Variants in FANCC observed in about 807,000 individuals in gnomAD.
FANCC encodes the protein FA complementation group C, also known as Fanconi anemia group C protein.
Under a neutral mutation model 71.3 loss-of-function variants are expected in FANCC, and 55 were observed. The observed-to-expected ratio is 0.77, with a 90% CI of 0.62 to 0.97. The LOEUF (loss-of-function observed/expected upper bound fraction) is 0.97. Among genes scored for constraint, FANCC ranks in the 50% least tolerant of loss-of-function variants. FANCC has a pLI of 0.00. For missense variants in FANCC, 678 were observed against 670.9 expected (o/e 1.01, Z -0.12); for synonymous variants, 275 against 244.9 (o/e 1.12, Z -1.15).
At chr9:95,214,651 G>A (rs534996035) in intron 4 of FANCC, among the ~76,000 whole-genome samples, 1 of 152,280 alleles carries the variant, frequency 6.6e-6, no homozygotes, top group Admixed American at 6.5e-5. Context: ...GTCTCTTCAT[G>A]CAATGGAATT....
At chr9:95,110,947 G>A in intron 13 of FANCC, 3 of 1,374,506 alleles carry the variant, frequency 2.2e-6, no homozygotes, top group East Asian at 2.7e-5. Context: ...AAGCAAAGTG[G>A]TTAATATCAT....
chr9:95,215,366 G>A (rs575820815), intron 4 of FANCC, among the ~76,000 whole-genome samples: 1 of 152,246 alleles, frequency 6.6e-6, no homozygotes, highest in Admixed American at 6.5e-5. Context: ...GAGAGGAGGA[G>A]AGGGAGATGG....
chr9:95,225,627 A>T (rs1470287859), intron 4 of FANCC, among the ~76,000 whole-genome samples: 1 of 152,242 alleles, frequency 6.6e-6, no homozygotes, highest in East Asian at 1.9e-4. Flanking sequence ...TACCATAAAC[A>T]TCCTGTTCCT....
At chr9:95,166,282 T>G (rs1831064000) in intron 6 of FANCC, among the ~76,000 whole-genome samples, 1 of 152,064 alleles carries the variant, frequency 6.6e-6, no homozygotes, top group South Asian at 2.1e-4. Flanking sequence ...ATATACCTAG[T>G]AGTTATTCTG....
At chr9:95,220,653 G>A (rs961290647) in intron 4 of FANCC, among the ~76,000 whole-genome samples, 6 of 152,080 alleles carry the variant, frequency 3.9e-5, no homozygotes, top group Non-Finnish European at 7.4e-5. Flanking sequence ...TCACTCATAG[G>A]TGGGAATTGA....
rs1057524011 is a variant in FANCC, at chr9:95,249,314, T to C, written c.-23A>G. On this transcript the variant is annotated 5_prime_UTR_variant, in exon 2 of 15. Coordinates refer to ENST00000289081, the MANE Select transcript of FANCC (RefSeq NM_000136.3). ...CATCTTGGAAAAAGCGAAAAGGTGA[T>C]GTCCCTTCACAGCAGCCTGTCCAGC... The C allele has an allele frequency of 1.2e-6, 2 of 1,613,104 alleles. No homozygotes were observed. The highest frequency in any genetic ancestry group is 1.7e-6 in the Non-Finnish European group (2 of 1,179,476).
chr9:95,110,303 T>A (rs1291399861), intron 13 of FANCC: 27 of 1,014,536 alleles, frequency 2.7e-5, no homozygotes, highest in Non-Finnish European at 3.1e-5. Flanking sequence ...TGTGATGGAA[T>A]TGAACACATA....
intron 6 of FANCC, among the ~76,000 whole-genome samples, chr9:95,163,975 A>C (rs1397942018): frequency 6.6e-6 from 1 of 152,174 alleles, no homozygotes; most frequent in African/African-American, 2.4e-5. Context: ...CACTGTGCAA[A>C]TCTTTCACCT....
intron 4 of FANCC, among the ~76,000 whole-genome samples, chr9:95,228,229 G>A (rs926010608): frequency 3.3e-5 from 5 of 152,184 alleles, no homozygotes; most frequent in African/African-American, 4.8e-5. Flanking sequence ...AGGGGCATGC[G>A]GAGCATGACA....
At chr9:95,110,500 A>G in intron 13 of FANCC, 1 of 1,030,760 alleles carries the variant, frequency 9.7e-7, no homozygotes, top group Non-Finnish European at 1.2e-6. Flanking sequence ...CCTCAAATAC[A>G]TACGTGGGTT....
intron 14 of FANCC, 58 bp downstream of exon 14, chr9:95,107,008 C>T: frequency 1.3e-6 from 2 of 1,561,922 alleles, no homozygotes; most frequent in South Asian, 1.1e-5. Flanking sequence ...GACAGGTAAC[C>T]CACCTCTCGC....
chr9:95,125,024 A>G (rs1825758726), intron 10 of FANCC, 62 bp downstream of exon 10: 1 of 1,440,158 alleles, frequency 6.9e-7, no homozygotes, highest in East Asian at 2.3e-5. Flanking sequence ...CTCTTGTCCA[A>G]AATACTCTCA....
intron 6 of FANCC, among the ~76,000 whole-genome samples, chr9:95,170,135 T>C (rs149228954): frequency 2.0e-5 from 3 of 152,344 alleles, no homozygotes; most frequent in Middle Eastern, 6.8e-3. Context: ...AATAAATTTA[T>C]AATTACATAA....
chr9:95,284,873 C>T (rs7030243), intron 1 of FANCC, among the ~76,000 whole-genome samples: 9 of 104,872 alleles, frequency 8.6e-5, no homozygotes, highest in East Asian at 4.4e-4. Flanking sequence ...CACACACACA[C>T]ACATACACAC....
intron 1 of FANCC, among the ~76,000 whole-genome samples, chr9:95,264,863 C>T (rs1402803274): frequency 1.3e-5 from 2 of 152,094 alleles, no homozygotes; most frequent in Non-Finnish European, 2.9e-5. Context: ...CTTAAGTTGA[C>T]AAGATTCTTC....
intron 8 of FANCC, among the ~76,000 whole-genome samples, chr9:95,130,297 TGTGA>T (rs971195068): frequency 8.8e-5 from 13 of 147,592 alleles, no homozygotes; most frequent in Admixed American, 4.7e-4. Context: ...TGTGTGTGTG[TGTGA>T]GAGAGAGAGA....
chr9:95,142,127 G>C (rs1286470042), intron 7 of FANCC, among the ~76,000 whole-genome samples: 5 of 151,572 alleles, frequency 3.3e-5, no homozygotes, highest in South Asian at 2.1e-4. Flanking sequence ...TGAGTAGCTG[G>C]GACTACAGGC....
At chr9:95,263,518 C>A (rs10993495) in intron 1 of FANCC, among the ~76,000 whole-genome samples, 8 of 140,378 alleles carry the variant, frequency 5.7e-5, no homozygotes, top group Non-Finnish European at 7.8e-5. Flanking sequence ...ATATATATAT[C>A]TATATATATA....
At chr9:95,176,059 C>T (rs1289990638) in intron 4 of FANCC, among the ~76,000 whole-genome samples, 2 of 152,238 alleles carry the variant, frequency 1.3e-5, no homozygotes, top group East Asian at 3.8e-4. Context: ...AAAGCATTTA[C>T]TACACACCAG....
Sources: allele counts gnomAD v4.1 joint callset (sites outside exome capture counted in the v4.1 genomes callset), GRCh38; gene constraint gnomAD v4.1.1; transcripts MANE v1.5; gene names NCBI Gene and HGNC (gene_info 2026-07-23, HGNC 2026-07-21).